Variants in TMEM132B observed in about 807,000 individuals in gnomAD.
TMEM132B encodes the protein transmembrane protein 132B.
TMEM132B carries 18 observed loss-of-function variants against 90.8 expected under a neutral mutation model. The observed-to-expected ratio is 0.20, with a 90% confidence interval of 0.14 to 0.29. TMEM132B has a LOEUF of 0.29. TMEM132B is among the 10% of genes least tolerant of loss of function. The pLI is 1.00. For missense variants in TMEM132B, 1,096 were observed against 1,326.8 expected (o/e 0.83, Z 2.70); for synonymous variants, 504 against 523.3 (o/e 0.96, Z 0.50).
At chr12:125,428,920 G>T (rs1164516399) in intron 3 of TMEM132B, among the ~76,000 whole-genome samples, 1 of 152,130 alleles carries the variant, frequency 6.6e-6, no homozygotes, top group Non-Finnish European at 1.5e-5. Context: ...TGCAGAAGGG[G>T]TGTGCGGTCT....
intron 3 of TMEM132B, among the ~76,000 whole-genome samples, chr12:125,461,762 C>G (rs1162634652): frequency 6.6e-6 from 1 of 152,238 alleles, no homozygotes; most frequent in Non-Finnish European, 1.5e-5. Flanking sequence ...AATCTCATCC[C>G]AGTCCTTACG....
intron 4 of TMEM132B, among the ~76,000 whole-genome samples, chr12:125,520,786 C>G (rs1352837251): frequency 6.6e-6 from 1 of 152,212 alleles, no homozygotes; most frequent in Non-Finnish European, 1.5e-5. Context: ...TTATCCTGGT[C>G]AGTTGTGTCC....
intron 1 of TMEM132B, among the ~76,000 whole-genome samples, chr12:125,327,156 T>A (rs1308969637): frequency 6.6e-6 from 1 of 152,176 alleles, no homozygotes; most frequent in Non-Finnish European, 1.5e-5. Flanking sequence ...CTTTTCCCAA[T>A]GGCTTCTGTC....
chr12:125,191,589 T>A (rs1872795217), intron 1 of TMEM132B, among the ~76,000 whole-genome samples: 1 of 152,232 alleles, frequency 6.6e-6, no homozygotes, highest in Non-Finnish European at 1.5e-5. Context: ...GCTCCTTTGA[T>A]GTGCTAGCCT....
Position 125,349,889 on chromosome 12 carries a change from T to C in TMEM132B, c.505T>C (p.Phe169Leu). The change falls in exon 2 of 9, where the codon TTC becomes CTC. Residue 169 changes from phenylalanine to leucine, a missense_variant. Physicochemically the swap from Phe to Leu is conservative, Grantham distance 22. Transcript: ENST00000682704. The surrounding 1 kb of genome is among the most constrained non-coding windows in gnomAD (Gnocchi z 4.1). ...TCTACCCTGTGTCAAGATGTTTGCTTTCCCTGAGGCCAGGGAAGTGGCAGC... is the reference window on the plus strand; with the variant it reads ...TCTACCCTGTGTCAAGATGTTTGCTCTCCCTGAGGCCAGGGAAGTGGCAGC... ...EDLPCVKMFAFPEAREVAASC... is the reference protein window; with the variant it reads ...EDLPCVKMFALPEAREVAASC... 6.2e-7 allele frequency: 1 copy of C among 1,614,230 alleles called. No homozygotes were observed. The highest frequency in any genetic ancestry group is 8.5e-7 in the Non-Finnish European group (1 of 1,180,038).
chr12:125,334,947 T>G (rs538832563), intron 1 of TMEM132B, among the ~76,000 whole-genome samples: 1 of 152,356 alleles, frequency 6.6e-6, no homozygotes, highest in South Asian at 2.1e-4. Flanking sequence ...ATGCACAGTT[T>G]GCGTGACATA....
chr12:125,517,168 T>TC (rs1491498570), intron 3 of TMEM132B, among the ~76,000 whole-genome samples: 13 of 118,532 alleles, frequency 1.1e-4, no homozygotes, highest in South Asian at 5.5e-4. Context: ...TCTCTCTCTC[T>TC]TTTTTTTTTT....
chr12:125,552,398 G>A (rs541527844), intron 4 of TMEM132B, among the ~76,000 whole-genome samples: 20 of 152,316 alleles, frequency 1.3e-4, no homozygotes, highest in Non-Finnish European at 2.5e-4. Flanking sequence ...GGTGTCTGAG[G>A]CATTGGAAGG....
chr12:125,614,776 C>T (rs972131980), intron 5 of TMEM132B, among the ~76,000 whole-genome samples: 1 of 152,154 alleles, frequency 6.6e-6, no homozygotes, highest in Admixed American at 6.6e-5. Context: ...TGGATATATG[C>T]TTTTTAAAAA....
At chr12:125,195,277 G>A (rs115975489) in intron 1 of TMEM132B, among the ~76,000 whole-genome samples, 3,397 of 152,128 alleles carry the variant, frequency 0.022, 126 homozygotes, top group African/African-American at 0.077. Context: ...AAGGTGGAGA[G>A]AGACGGATAC....
At chr12:125,290,047 C>T (rs766932426) in intron 1 of TMEM132B, among the ~76,000 whole-genome samples, 30 of 152,228 alleles carry the variant, frequency 2.0e-4, no homozygotes, top group African/African-American at 6.7e-4. Context: ...CTGGATATGC[C>T]GTGTGTGTTT....
Position 125,591,189 on chromosome 12 carries a change from T to C in TMEM132B, c.1437+7195T>C, listed in dbSNP as rs1211949133. On this transcript the variant is annotated intron_variant, in intron 5 of 8. Coordinates refer to ENST00000682704, the MANE Select transcript of TMEM132B (RefSeq NM_001366854.1). Reference sequence around the variant, plus strand: ...AGATGTATTTTCATTTTTTAATCCGTATCACCTGGAACAACATGTATCTTA... The same window carrying C: ...AGATGTATTTTCATTTTTTAATCCGCATCACCTGGAACAACATGTATCTTA... 2.6e-5 allele frequency among the ~76,000 whole-genome samples: 4 copies of C among 152,182 alleles called. No homozygotes were observed. The South Asian group carries it at 8.3e-4, about 31-fold the overall frequency.
rs1454545704 is a variant in TMEM132B at position 125,655,178 on chromosome 12, A to G, written c.*468A>G. 1.3e-5 allele frequency: 2 copies of G among 154,850 alleles called. No homozygotes were observed. Among genetic ancestry groups the G allele is most frequent in the Non-Finnish European group, 2.9e-5 (2 of 69,812 alleles). 9.6% of individuals were successfully genotyped at this position (154,850 alleles called of 1,614,324 possible). On this transcript the variant is annotated 3_prime_UTR_variant, in exon 9 of 9. Transcript: ENST00000682704. ...TCCTGATTTGTCATGAGCGCTGCTC[A>G]TTATTTTTATATACATTTGCACCTG...
At chr12:125,303,476 T>C (rs1029059117) in intron 1 of TMEM132B, among the ~76,000 whole-genome samples, 9 of 152,202 alleles carry the variant, frequency 5.9e-5, no homozygotes, top group African/African-American at 2.2e-4. Flanking sequence ...TGAATATCTG[T>C]TTTCAGATCT....
At chr12:125,360,617 A>G (rs1018012244) in intron 2 of TMEM132B, among the ~76,000 whole-genome samples, 1 of 152,114 alleles carries the variant, frequency 6.6e-6, no homozygotes, top group Admixed American at 6.5e-5. Context: ...TTAACTAGCA[A>G]TGCAAGGTAT....
intron 3 of TMEM132B, among the ~76,000 whole-genome samples, chr12:125,497,822 G>A (rs150581136): frequency 2.6e-5 from 4 of 152,158 alleles, no homozygotes; most frequent in Non-Finnish European, 2.9e-5. Context: ...AAGAGTTCCC[G>A]CTCAGCAGGT....
intron 1 of TMEM132B, among the ~76,000 whole-genome samples, chr12:125,292,278 T>C (rs1283876646): frequency 1.3e-5 from 2 of 152,370 alleles, no homozygotes; most frequent in East Asian, 3.9e-4. Flanking sequence ...TCCCATTTTA[T>C]TTTTAAAATT....
At chr12:125,574,712 G>C in intron 4 of TMEM132B, among the ~76,000 whole-genome samples, 1 of 151,958 alleles carries the variant, frequency 6.6e-6, no homozygotes, top group East Asian at 1.9e-4. Flanking sequence ...GGGTCAAAAA[G>C]GGTGTTGAAG....
At chr12:125,581,522 G>A (rs1043601343) in intron 4 of TMEM132B, among the ~76,000 whole-genome samples, 1 of 152,128 alleles carries the variant, frequency 6.6e-6, no homozygotes, top group African/African-American at 2.4e-5. Context: ...CTGTATTTTG[G>A]TCATGTGCTT....
Sources: allele counts gnomAD v4.1 joint callset (sites outside exome capture counted in the v4.1 genomes callset), GRCh38; gene constraint gnomAD v4.1.1; non-coding constraint Gnocchi (gnomAD v3.1); transcripts MANE v1.5; gene names NCBI Gene and HGNC (gene_info 2026-07-23, HGNC 2026-07-21).